The following DIP2C variants were observed in gnomAD, a reference collection of about 807,000 sequenced individuals.
DIP2C encodes the protein disco-interacting protein 2 homolog C.
A neutral mutation model predicts 192.4 loss-of-function variants in DIP2C; 33 were observed. That is an observed-to-expected ratio of 0.17 (90% confidence interval 0.13 to 0.23). The LOEUF (loss-of-function observed/expected upper bound fraction) is 0.23, where lower values mean the gene tolerates loss of function less well. Ranked by LOEUF, DIP2C falls within the 10% of genes least tolerant of loss-of-function variation. DIP2C has a pLI of 1.00. For synonymous variants in DIP2C, 979 were observed against 864.1 expected (o/e 1.13, Z -2.33); for missense variants, 1,537 against 2,110.1 (o/e 0.73, Z 5.32).
chr10:538,862 C>T (rs1383427002), intron 1 of DIP2C, among the ~76,000 whole-genome samples: 1 of 152,196 alleles, frequency 6.6e-6, no homozygotes, highest in Non-Finnish European at 1.5e-5. Flanking sequence ...TAGCAAAAAG[C>T]AGCACATAAT....
chr10:361,357 C>T (rs1959478826), intron 22 of DIP2C, among the ~76,000 whole-genome samples: 1 of 152,170 alleles, frequency 6.6e-6, no homozygotes, highest in African/African-American at 2.4e-5. Context: ...TGTCTCCCCA[C>T]TGGGTTTTCC....
intron 1 of DIP2C, among the ~76,000 whole-genome samples, chr10:575,524 G>A (rs970168256): frequency 2.0e-5 from 3 of 152,224 alleles, no homozygotes; most frequent in East Asian, 1.9e-4. Flanking sequence ...TGCTGAGAGT[G>A]TCAAGATGTT....
chr10:387,876 A>G, intron 13 of DIP2C, 67 bp from the exon 14 acceptor site: 1 of 1,449,932 alleles, frequency 6.9e-7, no homozygotes, highest in Non-Finnish European at 9.7e-7. Context: ...AAATGCAAAC[A>G]AAATCCAATA....
intron 32 of DIP2C, among the ~76,000 whole-genome samples, chr10:295,485 C>T (rs1051005985): frequency 3.4e-5 from 5 of 146,900 alleles, no homozygotes; most frequent in South Asian, 2.2e-4. Flanking sequence ...GGCATGAACC[C>T]GGGAGGCGGA....
intron 1 of DIP2C, among the ~76,000 whole-genome samples, chr10:610,722 G>A (rs1452592950): frequency 1.3e-5 from 2 of 151,928 alleles, no homozygotes; most frequent in East Asian, 3.9e-4. Context: ...GCCCTGGTGG[G>A]CGGTGACTGA....
At chr10:674,829 G>GAC (rs1588747874) in intron 1 of DIP2C, among the ~76,000 whole-genome samples, 8 of 142,876 alleles carry the variant, frequency 5.6e-5, no homozygotes, top group Non-Finnish European at 1.1e-4. Context: ...GAGAGAGAGA[G>GAC]ACCAACACAA....
intron 13 of DIP2C, 99 bp downstream of exon 13, chr10:389,892 C>G (rs766314488): frequency 1.4e-5 from 13 of 949,482 alleles, no homozygotes; most frequent in Non-Finnish European, 2.1e-5. Context: ...GCACAAACTT[C>G]ACGCTATTTC....
intron 1 of DIP2C, among the ~76,000 whole-genome samples, chr10:592,717 A>C (rs1262165617): frequency 6.6e-6 from 1 of 152,184 alleles, no homozygotes. Flanking sequence ...TATTACTATG[A>C]AAATTCTAAA....
chr10:398,194 A>G (rs1489521761), intron 10 of DIP2C, among the ~76,000 whole-genome samples: 4 of 152,144 alleles, frequency 2.6e-5, no homozygotes, highest in African/African-American at 9.7e-5. Flanking sequence ...GAATTAACTA[A>G]GAGTCTGGCA....
chr10:286,558 A>C (rs904825870), intron 33 of DIP2C, among the ~76,000 whole-genome samples: 2 of 152,204 alleles, frequency 1.3e-5, no homozygotes, highest in African/African-American at 4.8e-5. Context: ...TGTAACTGTC[A>C]ATATTGTATG....
intron 1 of DIP2C, among the ~76,000 whole-genome samples, chr10:585,167 C>T (rs376772435): frequency 6.6e-6 from 1 of 152,216 alleles, no homozygotes; most frequent in Admixed American, 6.5e-5. Context: ...ACAAGCTTGA[C>T]CTCTATGAGC....
intron 3 of DIP2C, among the ~76,000 whole-genome samples, chr10:459,100 G>T (rs1969540938): frequency 6.6e-6 from 1 of 152,056 alleles, no homozygotes; most frequent in Non-Finnish European, 1.5e-5. Context: ...TTGCCAGTGG[G>T]GCTAATATTT....
At chr10:578,616 A>G (rs1394852252) in intron 1 of DIP2C, among the ~76,000 whole-genome samples, 1 of 152,202 alleles carries the variant, frequency 6.6e-6, no homozygotes, top group Non-Finnish European at 1.5e-5. Flanking sequence ...TTTTCATCCT[A>G]TACTCTCCGG....
chr10:395,096 TG>T (rs1287547387), intron 10 of DIP2C, among the ~76,000 whole-genome samples: 4 of 71,732 alleles, frequency 5.6e-5, no homozygotes, highest in Non-Finnish European at 1.1e-4. Flanking sequence ...CCACGAGGGC[TG>T]GGGGGGAGGG....
At chr10:384,485 G>T in intron 15 of DIP2C, 61 bp downstream of exon 15, 2 of 1,543,496 alleles carry the variant, frequency 1.3e-6, no homozygotes, top group Non-Finnish European at 8.9e-7. Context: ...TGATCCACCT[G>T]CTTTGGCCTC....
chr10:399,798 T>C (rs1303732469), intron 9 of DIP2C, among the ~76,000 whole-genome samples: 2 of 152,178 alleles, frequency 1.3e-5, no homozygotes, highest in African/African-American at 4.8e-5. Context: ...AGGCTGACTA[T>C]GAGTAAAGCC....
intron 1 of DIP2C, among the ~76,000 whole-genome samples, chr10:577,117 G>A (rs185257355): frequency 2.2e-4 from 33 of 152,194 alleles, no homozygotes; most frequent in African/African-American, 5.1e-4. Context: ...AAAATAAAGC[G>A]CAGATATTCC....
At chr10:592,499 C>A (rs962425645) in intron 1 of DIP2C, among the ~76,000 whole-genome samples, 1 of 151,518 alleles carries the variant, frequency 6.6e-6, no homozygotes. Flanking sequence ...ACTATAGCCA[C>A]AGGTACCAAC....
chr10:531,234 A>G (rs1310171827), intron 1 of DIP2C, among the ~76,000 whole-genome samples: 1 of 152,048 alleles, frequency 6.6e-6, no homozygotes, highest in South Asian at 2.1e-4. Flanking sequence ...GACATTCCAC[A>G]ATCCCGATGA....
Sources: gnomAD v4.1 joint callset for allele counts (sites outside exome capture counted in the v4.1 genomes callset) on GRCh38, gnomAD v4.1.1 for gene constraint, MANE v1.5 for transcripts, NCBI Gene and HGNC (gene_info 2026-07-23, HGNC 2026-07-21) for gene names.